Variants in CTCF observed in about 807,000 individuals in gnomAD.
The protein encoded by CTCF is transcriptional repressor CTCF.
Under a neutral mutation model 72.3 loss-of-function variants are expected in CTCF, and 7 were observed. The ratio of observed to expected loss-of-function variants is 0.10; its 90% confidence interval spans 0.06 to 0.18. The LOEUF (loss-of-function observed/expected upper bound fraction) is 0.18. Among genes scored for constraint, CTCF ranks in the 10% least tolerant of loss-of-function variants. CTCF has a pLI of 1.00. For synonymous variants in CTCF, 374 were observed against 315.8 expected (o/e 1.18, Z -1.95); for missense variants, 516 against 949.1 (o/e 0.54, Z 6.00).
chr16:67,606,790 A>C (rs2142809055), intron 2 of CTCF, among the ~76,000 whole-genome samples: 1 of 122,938 alleles, frequency 8.1e-6, no homozygotes, highest in Non-Finnish European at 1.6e-5. Context: ...ACATAGTTTC[A>C]CTCTTATCGC....
intron 10 of CTCF, among the ~76,000 whole-genome samples, chr16:67,631,154 G>GTTTTTCTTTTTTTTTTTT (rs2052357317): frequency 8.0e-6 from 1 of 125,020 alleles, no homozygotes; most frequent in African/African-American, 3.4e-5. Flanking sequence ...TTCTTTGTTT[G>GTTTTTCTTTTTTTTTTTT]TTTTTTTTTT....
At chr16:67,594,459 T>TG (rs1463172508) in intron 2 of CTCF, among the ~76,000 whole-genome samples, 1 of 151,302 alleles carries the variant, frequency 6.6e-6, no homozygotes, top group Non-Finnish European at 1.5e-5. Context: ...CAGCATTTTG[T>TG]GGGGGATGAA....
chr16:67,564,560 T>G (rs1284903614), intron 1 of CTCF, among the ~76,000 whole-genome samples: 1 of 152,236 alleles, frequency 6.6e-6, no homozygotes, highest in Non-Finnish European at 1.5e-5. Context: ...TGATTGATAG[T>G]TAGACTTGGG....
At chr16:67,630,182 G>A (rs1463893579) in intron 10 of CTCF, among the ~76,000 whole-genome samples, 1 of 151,998 alleles carries the variant, frequency 6.6e-6, no homozygotes, top group Non-Finnish European at 1.5e-5. Flanking sequence ...CTTTTCCTAT[G>A]TTCTTAACTT....
intron 2 of CTCF, among the ~76,000 whole-genome samples, chr16:67,583,585 G>A (rs922918949): frequency 1.2e-4 from 19 of 152,100 alleles, no homozygotes; most frequent in African/African-American, 4.1e-4. Flanking sequence ...CACTCGGGAG[G>A]CCGAGGCAGG....
intron 10 of CTCF, among the ~76,000 whole-genome samples, chr16:67,636,070 A>G (rs2052423916): frequency 6.6e-6 from 1 of 152,130 alleles, no homozygotes; most frequent in Non-Finnish European, 1.5e-5. Flanking sequence ...CATCTCTACA[A>G]AAAATACAAA....
At chr16:67,582,503 G>C (rs1021376054) in intron 2 of CTCF, among the ~76,000 whole-genome samples, 2 of 151,948 alleles carry the variant, frequency 1.3e-5, no homozygotes, top group African/African-American at 4.8e-5. Flanking sequence ...GACCAGCTTG[G>C]GCGACATGAT....
intron 2 of CTCF, among the ~76,000 whole-genome samples, chr16:67,574,486 C>T (rs1029325691): frequency 4.6e-5 from 7 of 151,636 alleles, no homozygotes; most frequent in Non-Finnish European, 1.0e-4. Context: ...GGATTACAGG[C>T]GTTCACCCCC....
chr16:67,633,816 T>A (rs961509036), intron 10 of CTCF, among the ~76,000 whole-genome samples: 22 of 141,150 alleles, frequency 1.6e-4, no homozygotes, highest in South Asian at 6.8e-4. Context: ...ACACACACAC[T>A]CTCACTCACT....
intron 1 of CTCF, among the ~76,000 whole-genome samples, 163 bp downstream of exon 1, chr16:67,562,887 T>C (rs1449506611): frequency 6.8e-6 from 1 of 146,498 alleles, no homozygotes; most frequent in Non-Finnish European, 1.5e-5. Context: ...CCATTGCCCG[T>C]CGCCGCCGTG....
intron 2 of CTCF, among the ~76,000 whole-genome samples, chr16:67,602,082 G>A (rs559089565): frequency 3.3e-5 from 5 of 152,080 alleles, no homozygotes; most frequent in South Asian, 2.1e-4. Flanking sequence ...CAGGCTGGTC[G>A]TGAACTCCTG....
At chr16:67,634,869 A>G (rs1420513210) in intron 10 of CTCF, among the ~76,000 whole-genome samples, 7 of 150,978 alleles carry the variant, frequency 4.6e-5, no homozygotes, top group Admixed American at 4.6e-4. Context: ...CACCTAGCTA[A>G]TTTTTGTATT....
intron 2 of CTCF, among the ~76,000 whole-genome samples, chr16:67,581,581 A>G (rs915758238): frequency 7.2e-5 from 11 of 151,838 alleles, no homozygotes; most frequent in Non-Finnish European, 1.6e-4. Context: ...TTGGCTCGCT[A>G]CAACCTCCGC....
chr16:67,619,208 GGTT>G (rs2052170475), intron 5 of CTCF, among the ~76,000 whole-genome samples: 2 of 152,186 alleles, frequency 1.3e-5, no homozygotes, highest in Admixed American at 1.3e-4. Flanking sequence ...AGCTGAGGCG[GGTT>G]GGTCACCTGA....
At chr16:67,599,576 G>A (rs1256519476) in intron 2 of CTCF, among the ~76,000 whole-genome samples, 1 of 152,120 alleles carries the variant, frequency 6.6e-6, no homozygotes, top group Non-Finnish European at 1.5e-5. Context: ...ATCCCCGATT[G>A]CCTGGATTGT....
chr16:67,636,919 C>G, intron 11 of CTCF, 68 bp downstream of exon 11: 1 of 1,335,444 alleles, frequency 7.5e-7, no homozygotes, highest in East Asian at 2.7e-5. Flanking sequence ...CAGATGGGTC[C>G]TTGTTCTTTG....
At chr16:67,573,222 A>C (rs892138835) in intron 2 of CTCF, among the ~76,000 whole-genome samples, 61 of 151,730 alleles carry the variant, frequency 4.0e-4, no homozygotes, top group African/African-American at 1.4e-3. Flanking sequence ...ACTCCAGCCC[A>C]GGCAACAGAG....
intron 5 of CTCF, among the ~76,000 whole-genome samples, chr16:67,617,717 C>T (rs947292301): frequency 3.3e-5 from 5 of 152,084 alleles, no homozygotes; most frequent in Non-Finnish European, 7.4e-5. Flanking sequence ...TTAATACAGG[C>T]AAATTCTGTC....
chr16:67,584,854 A>G (rs1431674750), intron 2 of CTCF, among the ~76,000 whole-genome samples: 1 of 152,142 alleles, frequency 6.6e-6, no homozygotes, highest in Non-Finnish European at 1.5e-5. Context: ...GTTCTTCCCT[A>G]GACTGGCTCT....
Sources: allele counts gnomAD v4.1 joint callset (sites outside exome capture counted in the v4.1 genomes callset), GRCh38; gene constraint gnomAD v4.1.1; transcripts MANE v1.5; gene names NCBI Gene and HGNC (gene_info 2026-07-23, HGNC 2026-07-21).